RIPOR2: variants seen among roughly 807,000 people sequenced by gnomAD.
RIPOR2 encodes rho family-interacting cell polarization regulator 2.
In RIPOR2, 39 loss-of-function variants were observed where a neutral mutation model predicts 114.5. The observed-to-expected ratio is 0.34, with a 90% CI of 0.26 to 0.44. RIPOR2 has a LOEUF of 0.44. RIPOR2 is among the 20% of genes least tolerant of loss of function. The probability of loss-of-function intolerance (pLI) is 1.00; values close to 1 mark genes in which losing one functional copy is unlikely to be tolerated. For missense variants in RIPOR2, 1,007 were observed against 1,255.1 expected (o/e 0.80, Z 2.99); for synonymous variants, 445 against 484.4 (o/e 0.92, Z 1.07).
chr6:24,933,261 A>G (rs1463704949), intron 1 of RIPOR2, among the ~76,000 whole-genome samples: 2 of 152,258 alleles, frequency 1.3e-5, no homozygotes, highest in African/African-American at 4.8e-5. Context: ...AGTACTGACC[A>G]CTATTCTAAA....
intron 1 of RIPOR2, among the ~76,000 whole-genome samples, chr6:25,025,489 G>T (rs10946742): frequency 0.39 from 59,777 of 151,962 alleles, 14,740 homozygotes; most frequent in Non-Finnish European, 0.55. Flanking sequence ...AAAAAAAAAT[G>T]ACAGTGACAG....
chr6:24,844,905 G>A (rs548861684), intron 12 of RIPOR2, among the ~76,000 whole-genome samples: 20 of 151,984 alleles, frequency 1.3e-4, no homozygotes, highest in Admixed American at 9.2e-4. Flanking sequence ...GAATAAGCCC[G>A]GCAAATAAAA....
At chr6:24,950,683 C>G (rs1224194055) in intron 1 of RIPOR2, among the ~76,000 whole-genome samples, 3 of 152,154 alleles carry the variant, frequency 2.0e-5, no homozygotes, top group East Asian at 3.8e-4. Flanking sequence ...GTGAGTCAAA[C>G]CTGTGGAAAC....
chr6:24,994,008 G>A (rs907383828), intron 1 of RIPOR2, among the ~76,000 whole-genome samples: 3 of 152,164 alleles, frequency 2.0e-5, no homozygotes, highest in African/African-American at 7.2e-5. Context: ...TGATTCTTGA[G>A]TTAACTGGTA....
chr6:24,817,755 C>T (rs1321907218), intron 20 of RIPOR2, among the ~76,000 whole-genome samples: 1 of 152,076 alleles, frequency 6.6e-6, no homozygotes, highest in African/African-American at 2.4e-5. Flanking sequence ...TAGCTCTCTC[C>T]CTGCTCACGA....
At chr6:24,964,507 G>A (rs978310686) in intron 1 of RIPOR2, among the ~76,000 whole-genome samples, 38 of 152,264 alleles carry the variant, frequency 2.5e-4, no homozygotes, top group African/African-American at 9.1e-4. Flanking sequence ...TTGTATGGCT[G>A]GATATATACC....
intron 1 of RIPOR2, among the ~76,000 whole-genome samples, chr6:24,986,758 G>A (rs779411584): frequency 9.2e-5 from 14 of 152,160 alleles, no homozygotes; most frequent in Non-Finnish European, 1.8e-4. Context: ...AGTCTGGAGA[G>A]GAGTTGAGAA....
At chr6:24,849,537 T>C (rs1297352455) in intron 11 of RIPOR2, among the ~76,000 whole-genome samples, 1 of 151,972 alleles carries the variant, frequency 6.6e-6, no homozygotes, top group Non-Finnish European at 1.5e-5. Flanking sequence ...ACAGAAAAAA[T>C]ATTTTAAAAT....
intron 1 of RIPOR2, among the ~76,000 whole-genome samples, chr6:24,995,729 T>A (rs4712876): frequency 3.3e-5 from 5 of 151,982 alleles, no homozygotes; most frequent in Admixed American, 6.5e-5. Flanking sequence ...ATATTTTATA[T>A]CTGTATAAAT....
intron 1 of RIPOR2, among the ~76,000 whole-genome samples, chr6:24,914,633 T>C (rs774935238): frequency 5.3e-5 from 8 of 152,232 alleles, no homozygotes; most frequent in Non-Finnish European, 7.3e-5. Flanking sequence ...TTTTAATAAC[T>C]GAACTGTATC....
chr6:24,821,854 C>T (rs561766999), intron 19 of RIPOR2, among the ~76,000 whole-genome samples: 3 of 152,214 alleles, frequency 2.0e-5, no homozygotes, highest in Non-Finnish European at 4.4e-5. Flanking sequence ...CATTTCATCC[C>T]TATTGAAGCA....
intron 1 of RIPOR2, among the ~76,000 whole-genome samples, chr6:24,924,694 TTAA>T (rs1407090377): frequency 6.6e-6 from 1 of 152,074 alleles, no homozygotes; most frequent in Non-Finnish European, 1.5e-5. Context: ...ACATGGGGCT[TTAA>T]TAATGATAAG....
At chr6:25,026,950 G>A (rs144936929) in intron 1 of RIPOR2, among the ~76,000 whole-genome samples, 1 of 152,294 alleles carries the variant, frequency 6.6e-6, no homozygotes, top group African/African-American at 2.4e-5. Flanking sequence ...TCAGGTGTGA[G>A]TCTGTGCTGA....
chr6:25,036,561 A>T (rs532674905), intron 1 of RIPOR2, among the ~76,000 whole-genome samples: 1 of 134,960 alleles, frequency 7.4e-6, no homozygotes, highest in Non-Finnish European at 1.7e-5. Flanking sequence ...CCACTAACTT[A>T]AAAAAAAATG....
At chr6:25,023,749 C>A in intron 1 of RIPOR2, 1 of 798,106 alleles carries the variant, frequency 1.3e-6, no homozygotes. Flanking sequence ...TGAAGAACTC[C>A]AAGGAGGTCG....
chr6:24,887,375 G>T (rs1766931008), intron 1 of RIPOR2, among the ~76,000 whole-genome samples: 1 of 152,098 alleles, frequency 6.6e-6, no homozygotes, highest in South Asian at 2.1e-4. Flanking sequence ...CTCTCTCTAA[G>T]CCCTAATTTT....
rs1780752907 is a variant in RIPOR2, at chr6:24,806,071, T to G, written c.*302A>C. On this transcript the variant is annotated 3_prime_UTR_variant, in exon 22 of 22. Transcript: ENST00000643898. Reference sequence around the variant, plus strand: ...CTCAAGCAATCCTCCCACCTTAGCCTCCCAAGTAGCTGGGACTACAGGTGC... The same window carrying G: ...CTCAAGCAATCCTCCCACCTTAGCCGCCCAAGTAGCTGGGACTACAGGTGC... 1 of 290,302 alleles carries G rather than the reference T, an allele frequency of 3.4e-6. No homozygotes were observed. Among genetic ancestry groups the G allele is most frequent in the Non-Finnish European group, 6.4e-6 (1 of 156,668 alleles). 18.0% of individuals were successfully genotyped at this position (290,302 alleles called of 1,614,324 possible). A position where few individuals can be genotyped will look rare whatever the true frequency, so the allele number is the denominator to read the frequency against.
intron 1 of RIPOR2, among the ~76,000 whole-genome samples, chr6:24,921,443 C>T (rs1034753193): frequency 7.2e-5 from 11 of 152,022 alleles, no homozygotes; most frequent in Admixed American, 2.6e-4. Context: ...GCATTACAGG[C>T]GTGAGCCACC....
At chr6:24,861,670 T>C (rs529815581) in intron 7 of RIPOR2, among the ~76,000 whole-genome samples, 1 of 152,232 alleles carries the variant, frequency 6.6e-6, no homozygotes, top group Middle Eastern at 3.2e-3. Context: ...TTGTATACCA[T>C]AAATATGTAG....
Sources: allele counts gnomAD v4.1 joint callset (sites outside exome capture counted in the v4.1 genomes callset), GRCh38; gene constraint gnomAD v4.1.1; transcripts MANE v1.5; gene names NCBI Gene and HGNC (gene_info 2026-07-23, HGNC 2026-07-21).